The following SENP6 variants were observed in gnomAD, a reference collection of about 807,000 sequenced individuals.
SENP6 encodes the protein sentrin-specific protease 6.
A neutral mutation model predicts 134.5 loss-of-function variants in SENP6; 41 were observed. That is an observed-to-expected ratio of 0.30 (90% CI 0.24 to 0.40). The LOEUF (loss-of-function observed/expected upper bound fraction) is 0.40, where lower values mean the gene tolerates loss of function less well. Among genes scored for constraint, SENP6 ranks in the 10% least tolerant of loss-of-function variants. The pLI, the probability that SENP6 is intolerant of heterozygous loss-of-function variation, is 1.00. For missense variants in SENP6, 1,248 were observed against 1,312.5 expected (o/e 0.95, Z 0.76); for synonymous variants, 395 against 429.8 (o/e 0.92, Z 1.00).
At chr6:75,692,160 A>G (rs1774323979) in intron 16 of SENP6, among the ~76,000 whole-genome samples, 2 of 151,472 alleles carry the variant, frequency 1.3e-5, no homozygotes, top group South Asian at 2.1e-4. Flanking sequence ...CTGGCCTCCC[A>G]TAAGTTTTTG....
intron 1 of SENP6, among the ~76,000 whole-genome samples, chr6:75,617,970 T>C: frequency 6.6e-6 from 1 of 152,240 alleles, no homozygotes; most frequent in East Asian, 1.9e-4. Context: ...AGGGAAAGGA[T>C]CACAGTGCTG....
chr6:75,667,567 A>G (rs1452592234), intron 10 of SENP6, among the ~76,000 whole-genome samples: 1 of 152,230 alleles, frequency 6.6e-6, no homozygotes, highest in African/African-American at 2.4e-5. Context: ...TTGTTAAAAA[A>G]TCAATTAATA....
chr6:75,616,600 G>T (rs909472208), intron 1 of SENP6, among the ~76,000 whole-genome samples: 14 of 151,992 alleles, frequency 9.2e-5, no homozygotes, highest in African/African-American at 3.4e-4. Flanking sequence ...TACAAAATTA[G>T]CCGGGCGTGG....
At chr6:75,612,402 G>T (rs1192200604) in intron 1 of SENP6, among the ~76,000 whole-genome samples, 1 of 152,070 alleles carries the variant, frequency 6.6e-6, no homozygotes, top group Non-Finnish European at 1.5e-5. Flanking sequence ...TGCGCTTATG[G>T]CTCATTGCAG....
chr6:75,619,697 TC>T lies in SENP6; in HGVS notation c.53-1834del, dbSNP rs573881076. Among the ~76,000 whole-genome samples, 16 of 152,338 alleles carry T rather than the reference TC, an allele frequency of 1.1e-4. No individual in the cohort carries two copies. In the South Asian group the frequency reaches 1.9e-3, roughly 18 times the overall value. ...TTTTTGAGGAACTGCCAAATTATTT[TC>T]TACAGTGCCTGAACTGTTTTGCGTT... On this transcript the variant is annotated intron_variant, in intron 1 of 23. Coordinates refer to ENST00000447266, the MANE Select transcript of SENP6 (RefSeq NM_015571.4).
At chr6:75,712,031 C>A (rs1333529456) in intron 21 of SENP6, among the ~76,000 whole-genome samples, 1 of 152,138 alleles carries the variant, frequency 6.6e-6, no homozygotes. Context: ...GAGCAGAAAT[C>A]ACTATATATC....
rs573036466 is a variant in SENP6 at position 75,638,744 on chromosome 6, C to T, written c.459-1940C>T. ...TCTGTTTTTCTACCTATTTCCTTTCCTCTGTACAGGTGAGTATAAAAAACA... is the reference window on the plus strand; with the variant it reads ...TCTGTTTTTCTACCTATTTCCTTTCTTCTGTACAGGTGAGTATAAAAAACA... On this transcript the variant is annotated intron_variant, in intron 5 of 23. Transcript: ENST00000447266. Among the ~76,000 whole-genome samples, 104 of 148,182 alleles carry T rather than the reference C, an allele frequency of 7.0e-4. 2 individuals are homozygous for T. The highest frequency in any genetic ancestry group is 4.8e-3 in the East Asian group (24 of 4,976).
chr6:75,680,872 C>T (rs138292269), intron 16 of SENP6, among the ~76,000 whole-genome samples: 3 of 152,254 alleles, frequency 2.0e-5, no homozygotes, highest in East Asian at 3.9e-4. Flanking sequence ...CTACTACCCA[C>T]TGGAGTGTGG....
intron 4 of SENP6, among the ~76,000 whole-genome samples, chr6:75,634,151 T>A (rs1299442376): frequency 1.3e-5 from 2 of 152,180 alleles, no homozygotes; most frequent in African/African-American, 4.8e-5. Flanking sequence ...TGGGTATCAG[T>A]AGCAACTCAG....
At chr6:75,687,749 G>T (rs895418682) in intron 16 of SENP6, among the ~76,000 whole-genome samples, 7 of 152,284 alleles carry the variant, frequency 4.6e-5, no homozygotes, top group Middle Eastern at 3.4e-3. Context: ...AAATATTGCT[G>T]CCTGATCCTT....
chr6:75,679,186 G>A lies in SENP6; in HGVS notation c.2075+259G>A, dbSNP rs149719559. On this transcript the variant is annotated intron_variant, in intron 16 of 23. Transcript: ENST00000447266. ...CCTGACACTTTGGGAGGTCAAGGTG[G>A]GAGGATCGCTTGAGCCCAAGAGTTC... 3.2e-4 allele frequency: 95 copies of A among 293,060 alleles called. No homozygotes were observed. The Middle Eastern group carries it at 3.3e-3, about 10-fold the overall frequency. The allele number at this position is 293,060 out of a possible 1,614,324, so 18.2% of individuals were successfully genotyped here.
chr6:75,634,791 A>G lies in SENP6; in HGVS notation c.438A>G (p.Val146=). 1 of 1,600,510 alleles carries G rather than the reference A, an allele frequency of 6.2e-7. No individual in the cohort carries two copies. Among genetic ancestry groups the G allele is most frequent in the Non-Finnish European group, 8.5e-7 (1 of 1,174,896 alleles). The change falls in exon 5 of 24, where the codon GTA becomes GTG. Residue 146 remains valine (V), a synonymous_variant. Transcript: ENST00000447266. ...RFHHAHAQIP[V]VKTAAQSSLD... ...ATCATGCTCATGCACAGATACCAGT[A>G]GTAAAAACAGCAGCCCAAAGGTAAG...
intron 1 of SENP6, among the ~76,000 whole-genome samples, chr6:75,603,318 T>C (rs940727456): frequency 6.6e-6 from 1 of 152,208 alleles, no homozygotes; most frequent in Admixed American, 6.5e-5. Flanking sequence ...TGGGGAACAA[T>C]ATTGATTTTT....
At chr6:75,675,649 T>A in intron 12 of SENP6, 181 bp downstream of exon 12, 1 of 731,378 alleles carries the variant, frequency 1.4e-6, no homozygotes, top group South Asian at 1.8e-5. Flanking sequence ...AGAACCTAAC[T>A]TTTTAGAAAC....
In SENP6 at chr6:75,663,342, A is replaced by C. The variant is rs1562020819; in HGVS notation, c.818A>C (p.Lys273Thr). Reference protein sequence around the residue: ...QKSQNTGLTTKKFYGNNVEKV... With the variant: ...QKSQNTGLTTTKFYGNNVEKV... ...TCACAAAACACAGGATTAACAACCA[A>C]GAAGTTTTATGGCAACAATGTGGAA... The change falls in exon 9 of 24, where the codon AAG becomes ACG. Residue 273 changes from lysine (K) to threonine (T), a missense_variant. By Grantham distance (78) the Lys-to-Thr change is moderately conservative. Around this residue, in one of 3 missense-constraint regions of SENP6, gnomAD observed 733 missense variants for 725.4 expected, o/e 1.01. Transcript: ENST00000447266. 6.2e-7 allele frequency: 1 copy of C among 1,613,870 alleles called. No homozygotes were observed. Among genetic ancestry groups the C allele is most frequent in the Non-Finnish European group, 8.5e-7 (1 of 1,179,858 alleles).
chr6:75,625,728 G>T lies in SENP6; in HGVS notation c.207+1768G>T, dbSNP rs186412295. ...TACTAAAAATAGAAAAATTAGCCAGGCATGGTAGTGGGCTCCTGTAGTCCC... is the reference window on the plus strand; with the variant it reads ...TACTAAAAATAGAAAAATTAGCCAGTCATGGTAGTGGGCTCCTGTAGTCCC... On this transcript the variant is annotated intron_variant, in intron 3 of 23. Transcript: ENST00000447266. 3.5e-3 allele frequency among the ~76,000 whole-genome samples: 536 copies of T among 152,266 alleles called. 2 individuals are homozygous for T. Among genetic ancestry groups the T allele is most frequent in the Middle Eastern group, 6.8e-3 (2 of 294 alleles).
chr6:75,616,844 A>C (rs1396077753), intron 1 of SENP6, among the ~76,000 whole-genome samples: 1 of 151,472 alleles, frequency 6.6e-6, no homozygotes, highest in African/African-American at 2.4e-5. Context: ...ACATAGGTTC[A>C]TTTTACATTG....
chr6:75,666,252 A>T (rs1238269698), intron 9 of SENP6, among the ~76,000 whole-genome samples: 1 of 147,480 alleles, frequency 6.8e-6, no homozygotes, highest in Non-Finnish European at 1.5e-5. Flanking sequence ...TAAAATATAT[A>T]TACGATATAT....
intron 1 of SENP6, among the ~76,000 whole-genome samples, chr6:75,608,397 G>A (rs1323317726): frequency 6.6e-6 from 1 of 151,942 alleles, no homozygotes; most frequent in African/African-American, 2.4e-5. Context: ...GAGCCCAGGA[G>A]GTTGAGGCTG....
Sources: gnomAD v4.1 joint callset for allele counts (sites outside exome capture counted in the v4.1 genomes callset) on GRCh38, gnomAD v4.1.1 for gene constraint, gnomAD v4.1.1 regional missense constraint, MANE v1.5 for transcripts, NCBI Gene and HGNC (gene_info 2026-07-23, HGNC 2026-07-21) for gene names.